LRSAM1: variants seen among roughly 807,000 people sequenced by gnomAD.
LRSAM1 encodes leucine rich repeat and sterile alpha motif containing 1, also known as E3 ubiquitin-protein ligase LRSAM1.
Under a neutral mutation model 118.1 loss-of-function variants are expected in LRSAM1, and 96 were observed. The observed-to-expected ratio is 0.81, with a 90% CI of 0.69 to 0.96. The LOEUF (loss-of-function observed/expected upper bound fraction) is 0.96. Among genes scored for constraint, LRSAM1 ranks in the 40% least tolerant of loss-of-function variants. LRSAM1 has a pLI of 0.00. For synonymous variants in LRSAM1, 322 were observed against 364.2 expected, an observed-to-expected ratio of 0.88 and a Z score of 1.32; for missense variants, 804 against 915.5, an observed-to-expected ratio of 0.88 and a Z score of 1.57.
chr9:127,480,017 C>A (rs1239723866), intron 14 of LRSAM1, 39 bp downstream of exon 14: 1 of 1,614,036 alleles, frequency 6.2e-7, no homozygotes, highest in Non-Finnish European at 8.5e-7. Context: ...CAGAGTCCTT[C>A]CCCGTGCAGT....
rs768346182 is a variant in LRSAM1 at position 127,487,662 on chromosome 9, T to C, written c.1260-14T>C. ...ACGTTCCAAGAATGAATGAATTTGC[T>C]GTCTTTCTGGCAGCATGGCCGAAAT... On this transcript the variant is annotated splice_polypyrimidine_tract_variant and intron_variant, in intron 17 of 25. Coordinates refer to ENST00000300417, the MANE Select transcript of LRSAM1 (RefSeq NM_001005373.4). 2 of 1,611,982 alleles carry C rather than the reference T, an allele frequency of 1.2e-6. No individual in the cohort carries two copies. Among genetic ancestry groups the C allele is most frequent in the African/African-American group, 1.3e-5 (1 of 74,916 alleles).
chr9:127,457,648 C>T (rs1400222394), intron 6 of LRSAM1, among the ~76,000 whole-genome samples: 1 of 152,134 alleles, frequency 6.6e-6, no homozygotes, highest in Non-Finnish European at 1.5e-5. Context: ...AGCCTCATGG[C>T]GAGTCAGCTA....
At chr9:127,467,703 T>C in intron 9 of LRSAM1, 37 bp from the exon 10 acceptor site, 3 of 1,577,782 alleles carry the variant, frequency 1.9e-6, no homozygotes, top group South Asian at 1.1e-5. Flanking sequence ...GTTGCGTTGG[T>C]AGCGAACAGT....
chr9:127,495,547 C>G (rs1246260512), intron 22 of LRSAM1, 129 bp downstream of exon 22: 1 of 799,260 alleles, frequency 1.3e-6, no homozygotes, highest in South Asian at 1.5e-5. Context: ...AGATCCTGTG[C>G]CAAGCCCCAG....
chr9:127,479,343 A>G (rs767397160), intron 12 of LRSAM1, 40 bp from the exon 13 acceptor site: 17 of 1,613,724 alleles, frequency 1.1e-5, no homozygotes, highest in Non-Finnish European at 8.5e-7. Flanking sequence ...TAACTCCCCC[A>G]GGGCCTGTGC....
chr9:127,462,696 G>C (rs1238284769), intron 9 of LRSAM1, among the ~76,000 whole-genome samples: 1 of 152,058 alleles, frequency 6.6e-6, no homozygotes, highest in Admixed American at 6.6e-5. Context: ...TGGGGAGGGA[G>C]AGCATCAGGA....
Position 127,496,392 on chromosome 9 carries a change from CTGCCCTGCCTCA to C in LRSAM1, c.1830+300_1830+311del, listed in dbSNP as rs1836145721. 1.1e-4 allele frequency among the ~76,000 whole-genome samples: 16 copies of C among 152,354 alleles called. No homozygotes were observed. The South Asian group carries it at 3.1e-3, about 30-fold the overall frequency. On this transcript the variant is annotated intron_variant, in intron 23 of 25. Transcript: ENST00000300417. ...CCTTGGGGCTTATCTGATCCAGCCT[CTGCCCTGCCTCA>C]TGGTGTCACAAACTGTCGTGGCCAC...
chr9:127,469,921 C>A lies in LRSAM1; in HGVS notation c.619+2091C>A, dbSNP rs187985772. 4.1e-4 allele frequency among the ~76,000 whole-genome samples: 63 copies of A among 151,824 alleles called. 1 individual carries two copies. In the East Asian group the frequency reaches 0.012, roughly 29 times the overall value. On this transcript the variant is annotated intron_variant, in intron 10 of 25. Transcript: ENST00000300417. ...AGGAGCTTGCAGTGAGCCGAGATTGCGCCACTGCACTCCAGCCTGGGATAC... is the reference window on the plus strand; with the variant it reads ...AGGAGCTTGCAGTGAGCCGAGATTGAGCCACTGCACTCCAGCCTGGGATAC...
intron 11 of LRSAM1, among the ~76,000 whole-genome samples, chr9:127,476,519 A>T (rs1216697507): frequency 6.6e-6 from 1 of 152,128 alleles, no homozygotes; most frequent in Non-Finnish European, 1.5e-5. Flanking sequence ...ACTGCACCCC[A>T]TCCTGAGTAA....
chr9:127,499,249 C>T (rs1836276711), intron 24 of LRSAM1, among the ~76,000 whole-genome samples: 1 of 151,942 alleles, frequency 6.6e-6, no homozygotes, highest in African/African-American at 2.4e-5. Flanking sequence ...GTGGTGCACA[C>T]CTTAGTTCCA....
chr9:127,480,082 C>CG lies in LRSAM1; in HGVS notation c.1043+107dup, dbSNP rs1296563386. 3 of 1,507,030 alleles carry CG rather than the reference C, an allele frequency of 2.0e-6. No homozygotes were observed. The African/African-American group carries it at 4.1e-5, about 21-fold the overall frequency. The allele number at this position is 1,507,030 out of a possible 1,614,324, so 93.4% of individuals were successfully genotyped here. ...TCCCTCACTGCCTCTGCCCCTGCCCCGGGCTTCCCTTGTCAGGATCCAGTC... is the reference window on the plus strand; with the variant it reads ...TCCCTCACTGCCTCTGCCCCTGCCCCGGGGCTTCCCTTGTCAGGATCCAGTC... On this transcript the variant is annotated intron_variant, in intron 14 of 25. Transcript: ENST00000300417.
intron 18 of LRSAM1, among the ~76,000 whole-genome samples, chr9:127,489,136 A>G (rs1349990768): frequency 1.3e-5 from 2 of 152,154 alleles, no homozygotes; most frequent in Admixed American, 1.3e-4. Flanking sequence ...TGTGTGTCCC[A>G]GCGCCGCTGA....
rs776538440 is a variant in LRSAM1 at position 127,473,811 on chromosome 9, G to A, written c.630G>A (p.Leu210=). 2 of 1,614,090 alleles carry A rather than the reference G, an allele frequency of 1.2e-6. No homozygotes were observed. Among genetic ancestry groups the A allele is most frequent in the African/African-American group, 2.7e-5 (2 of 74,936 alleles). ...TCCCGTCTCTTACAGAGTCAGGGCT[G>A]GAATACTACCCCCCTTCTCAGTACT... ...ILQFLCKESG[L]EYYPPSQYLL... The change falls in exon 11 of 26, where the codon CTG becomes CTA. Residue 210 remains leucine, a synonymous_variant. Transcript: ENST00000300417.
At chr9:127,488,077 G>A (rs1835797312) in intron 18 of LRSAM1, among the ~76,000 whole-genome samples, 1 of 152,144 alleles carries the variant, frequency 6.6e-6, no homozygotes, top group African/African-American at 2.4e-5. Context: ...CCACACCATG[G>A]AGGTCAGGGC....
At chr9:127,457,495 C>G in intron 6 of LRSAM1, 102 bp downstream of exon 6, 1 of 1,012,862 alleles carries the variant, frequency 9.9e-7, no homozygotes, top group South Asian at 1.3e-5. Flanking sequence ...TCAGAGGGGC[C>G]CAATCTACCA....
Position 127,501,623 on chromosome 9 carries a change from T to C in LRSAM1, c.2046+480T>C, listed in dbSNP as rs923803441. 1.1e-4 allele frequency among the ~76,000 whole-genome samples: 16 copies of C among 152,108 alleles called. No homozygotes were observed. In the South Asian group the frequency reaches 2.7e-3, roughly 26 times the overall value. On this transcript the variant is annotated intron_variant, in intron 25 of 25. Coordinates refer to ENST00000300417, the MANE Select transcript of LRSAM1 (RefSeq NM_001005373.4). ...GGTGGGCGCCTGTAAGCCCAGATAC[T>C]TGGGAGGCTGAGGCAGGAGAATCGC...
chr9:127,471,613 G>T (rs1218056536), intron 10 of LRSAM1, among the ~76,000 whole-genome samples: 1 of 149,414 alleles, frequency 6.7e-6, no homozygotes, highest in Admixed American at 6.7e-5. Context: ...ATGGAGAAAC[G>T]CCATCTTTAC....
rs994354623 is a variant in LRSAM1 at position 127,481,050 on chromosome 9, A to G, written c.1044-133A>G. On this transcript the variant is annotated intron_variant, in intron 14 of 25. Coordinates refer to ENST00000300417, the MANE Select transcript of LRSAM1 (RefSeq NM_001005373.4). ...TGAGTGGTTTCAGTAACTGGCTAAG[A>G]ACCCAGAGCTTCAAGGTGGTGGAGC... 95 of 873,640 alleles carry G rather than the reference A, an allele frequency of 1.1e-4. 1 individual carries two copies. The Middle Eastern group carries it at 1.1e-3, about 10-fold the overall frequency. 54.1% of individuals were successfully genotyped at this position (873,640 alleles called of 1,614,324 possible).
At chr9:127,487,359 C>T (rs1030211393) in intron 17 of LRSAM1, 2 of 363,668 alleles carry the variant, frequency 5.5e-6, no homozygotes, top group Non-Finnish European at 1.1e-5. Flanking sequence ...AGGAGCTCCC[C>T]ACCCATGGAG....
Sources: allele counts gnomAD v4.1 joint callset (sites outside exome capture counted in the v4.1 genomes callset), GRCh38; gene constraint gnomAD v4.1.1; transcripts MANE v1.5; gene names NCBI Gene and HGNC (gene_info 2026-07-23, HGNC 2026-07-21).